The following MAPKAP1 variants were observed in gnomAD, a reference collection of about 807,000 sequenced individuals.
MAPKAP1 encodes MAPK associated protein 1, also known as target of rapamycin complex 2 subunit MAPKAP1.
Under a neutral mutation model 65.7 loss-of-function variants are expected in MAPKAP1, and 20 were observed. The ratio of observed to expected loss-of-function variants is 0.30; its 90% confidence interval spans 0.21 to 0.44. MAPKAP1 has a LOEUF of 0.44. Among genes scored for constraint, MAPKAP1 ranks in the 20% least tolerant of loss-of-function variants. The probability of loss-of-function intolerance (pLI) is 1.00; values close to 1 mark genes in which losing one functional copy is unlikely to be tolerated. For missense variants in MAPKAP1, 423 were observed against 648.0 expected, an observed-to-expected ratio of 0.65 and a Z score of 3.77; for synonymous variants, 222 against 244.3, an observed-to-expected ratio of 0.91 and a Z score of 0.85.
chr9:125,594,223 A>G (rs906748484), intron 4 of MAPKAP1, among the ~76,000 whole-genome samples: 1 of 152,174 alleles, frequency 6.6e-6, no homozygotes, highest in Admixed American at 6.5e-5. Flanking sequence ...CCTTATTGCC[A>G]CCAATGTGAT....
chr9:125,492,711 C>G (rs1228378249), intron 8 of MAPKAP1, among the ~76,000 whole-genome samples: 5 of 152,150 alleles, frequency 3.3e-5, no homozygotes, highest in African/African-American at 1.2e-4. Flanking sequence ...AGTCTTACAC[C>G]AAGTCTAAAA....
intron 5 of MAPKAP1, among the ~76,000 whole-genome samples, chr9:125,581,611 A>G (rs1199769930): frequency 6.6e-6 from 1 of 152,110 alleles, no homozygotes; most frequent in South Asian, 2.1e-4. Context: ...GTTTACAAAT[A>G]TTTCCTTTCA....
chr9:125,493,677 G>A (rs1854821184), intron 8 of MAPKAP1, among the ~76,000 whole-genome samples: 1 of 152,214 alleles, frequency 6.6e-6, no homozygotes, highest in Non-Finnish European at 1.5e-5. Flanking sequence ...GTCAAGGACA[G>A]GGGTTCTGCC....
intron 1 of MAPKAP1, among the ~76,000 whole-genome samples, chr9:125,701,434 T>G (rs75959737): frequency 0.019 from 2,959 of 152,280 alleles, 151 homozygotes; most frequent in East Asian, 0.15. Flanking sequence ...GTGACCAAAC[T>G]CCAAAGGCTG....
intron 9 of MAPKAP1, among the ~76,000 whole-genome samples, chr9:125,480,974 G>GAAA (rs1564525845): frequency 7.2e-5 from 7 of 97,638 alleles, no homozygotes; most frequent in African/African-American, 1.7e-4. Flanking sequence ...TCCGTTTCGG[G>GAAA]GAAAAAAAAA....
chr9:125,459,215 T>C (rs1401076399), intron 10 of MAPKAP1, among the ~76,000 whole-genome samples: 2 of 122,998 alleles, frequency 1.6e-5, no homozygotes. Context: ...TCTCAGACGA[T>C]GGGCGGCGGG....
At chr9:125,544,177 A>G in intron 6 of MAPKAP1, among the ~76,000 whole-genome samples, 1 of 151,784 alleles carries the variant, frequency 6.6e-6, no homozygotes, top group Non-Finnish European at 1.5e-5. Flanking sequence ...TGCCTGGCTA[A>G]TTTTTGTAGT....
chr9:125,495,888 A>G (rs1407230668), intron 8 of MAPKAP1, among the ~76,000 whole-genome samples: 1 of 152,222 alleles, frequency 6.6e-6, no homozygotes, highest in East Asian at 1.9e-4. Flanking sequence ...AGGGAGGGAA[A>G]GGGTCACCAC....
intron 1 of MAPKAP1, among the ~76,000 whole-genome samples, chr9:125,697,908 C>T (rs1588087468): frequency 6.6e-6 from 1 of 151,892 alleles, no homozygotes; most frequent in East Asian, 1.9e-4. Flanking sequence ...TAACACTATA[C>T]CTATAATCAA....
intron 4 of MAPKAP1, chr9:125,650,497 C>G (rs551423827): frequency 1.3e-5 from 2 of 152,364 alleles, no homozygotes; most frequent in African/African-American, 2.4e-5. Context: ...TTCTCCTCCC[C>G]CTTTTCTTAG....
intron 6 of MAPKAP1, among the ~76,000 whole-genome samples, chr9:125,558,245 T>A (rs1483323933): frequency 1.3e-5 from 2 of 152,224 alleles, no homozygotes; most frequent in African/African-American, 4.8e-5. Context: ...ACACGATTAT[T>A]ATACAAGATT....
chr9:125,612,292 T>G (rs564488764), intron 4 of MAPKAP1, among the ~76,000 whole-genome samples: 1 of 152,312 alleles, frequency 6.6e-6, no homozygotes, highest in Admixed American at 6.5e-5. Flanking sequence ...TCACATTCTT[T>G]CCAAGTTCAC....
intron 9 of MAPKAP1, chr9:125,471,348 C>G (rs983467277): frequency 4.6e-5 from 7 of 152,584 alleles, no homozygotes; most frequent in African/African-American, 1.4e-4. Context: ...GAGGAGTTGG[C>G]TTGGTGGAGG....
intron 5 of MAPKAP1, chr9:125,572,840 T>A (rs955458648): frequency 1.3e-5 from 2 of 152,222 alleles, no homozygotes; most frequent in African/African-American, 4.8e-5. Flanking sequence ...TGTGTAGGAA[T>A]ACAGGACAAG....
intron 4 of MAPKAP1, among the ~76,000 whole-genome samples, chr9:125,607,983 C>T (rs1489352161): frequency 1.3e-5 from 2 of 152,180 alleles, no homozygotes; most frequent in African/African-American, 2.4e-5. Context: ...AACTTGTGGG[C>T]TTCCGAAGGA....
chr9:125,493,081 A>G (rs1376811425), intron 8 of MAPKAP1, among the ~76,000 whole-genome samples: 1 of 152,208 alleles, frequency 6.6e-6, no homozygotes, highest in African/African-American at 2.4e-5. Context: ...GAATGGTGGA[A>G]AAGAAAATGG....
chr9:125,663,081 A>C (rs918581924), intron 3 of MAPKAP1, among the ~76,000 whole-genome samples: 2 of 152,074 alleles, frequency 1.3e-5, no homozygotes, highest in Non-Finnish European at 2.9e-5. Flanking sequence ...TTTTTTAAGG[A>C]AATTTAAACT....
chr9:125,702,522 G>A (rs1236245224), intron 1 of MAPKAP1, among the ~76,000 whole-genome samples: 1 of 150,258 alleles, frequency 6.7e-6, no homozygotes, highest in African/African-American at 2.5e-5. Flanking sequence ...CAACAAGAGC[G>A]AAACTCCTTC....
At chr9:125,641,379 T>C (rs1833573206) in intron 4 of MAPKAP1, among the ~76,000 whole-genome samples, 1 of 152,052 alleles carries the variant, frequency 6.6e-6, no homozygotes, top group Admixed American at 6.6e-5. Flanking sequence ...GGTTTTTACA[T>C]TTTTTTTCAG....
Sources: allele counts gnomAD v4.1 joint callset (sites outside exome capture counted in the v4.1 genomes callset), GRCh38; gene constraint gnomAD v4.1.1; transcripts MANE v1.5; gene names NCBI Gene and HGNC (gene_info 2026-07-23, HGNC 2026-07-21).